Variants in EYS observed in about 807,000 individuals in gnomAD.
The protein encoded by EYS is EGF-like photoreceptor maintenance factor.
EYS carries 250 observed loss-of-function variants against 282.1 expected under a neutral mutation model. The observed-to-expected ratio is 0.89, with a 90% CI of 0.80 to 0.98. EYS has a LOEUF of 0.98. EYS is among the 50% of genes least tolerant of loss of function. EYS has a pLI of 0.00. For synonymous variants in EYS, 1,355 were observed against 1,282.9 expected, an observed-to-expected ratio of 1.06 and a Z score of -1.20; for missense variants, 4,016 against 3,709.0, an observed-to-expected ratio of 1.08 and a Z score of -2.15.
At chr6:63,778,255 T>C (rs1048808209) in intron 39 of EYS, 75 bp from the exon 40 acceptor site, 2 of 1,415,602 alleles carry the variant, frequency 1.4e-6, no homozygotes, top group African/African-American at 2.9e-5. Context: ...TTATTTTTCA[T>C]TTTTAAAGTA....
intron 9 of EYS, among the ~76,000 whole-genome samples, chr6:65,350,871 A>T (rs528518550): frequency 2.0e-5 from 3 of 151,670 alleles, no homozygotes; most frequent in Non-Finnish European, 4.4e-5. Flanking sequence ...GGCGTGTAAG[A>T]CACTTAATTT....
chr6:64,819,040 C>T (rs1276108680), intron 21 of EYS, among the ~76,000 whole-genome samples: 1 of 152,154 alleles, frequency 6.6e-6, no homozygotes, highest in Non-Finnish European at 1.5e-5. Context: ...CCCGAGTGCT[C>T]TTTTCAGTTA....
At chr6:64,015,102 A>G (rs1768830050) in intron 33 of EYS, among the ~76,000 whole-genome samples, 1 of 152,176 alleles carries the variant, frequency 6.6e-6, no homozygotes, top group Admixed American at 6.5e-5. Flanking sequence ...CAATTTAAAG[A>G]TTGAGAAAAA....
intron 8 of EYS, among the ~76,000 whole-genome samples, chr6:65,359,380 T>C (rs2150332305): frequency 6.6e-6 from 1 of 152,116 alleles, no homozygotes; most frequent in East Asian, 1.9e-4. Context: ...TTGCTTTCCT[T>C]AAGGCTTTTC....
intron 19 of EYS, among the ~76,000 whole-genome samples, chr6:64,843,090 G>C (rs1765613994): frequency 6.6e-6 from 1 of 152,126 alleles, no homozygotes; most frequent in Non-Finnish European, 1.5e-5. Flanking sequence ...TCTCCATGCT[G>C]TGTGAAGCCT....
intron 12 of EYS, among the ~76,000 whole-genome samples, chr6:65,238,348 T>C (rs1352427167): frequency 6.6e-6 from 1 of 151,562 alleles, no homozygotes; most frequent in African/African-American, 2.4e-5. Flanking sequence ...TTTCAATTAA[T>C]ATTTCACTGT....
At chr6:65,044,407 G>T (rs1323382485) in intron 13 of EYS, among the ~76,000 whole-genome samples, 1 of 151,486 alleles carries the variant, frequency 6.6e-6, no homozygotes, top group Non-Finnish European at 1.5e-5. Context: ...GTCTAATTTT[G>T]CCTTTGTTGC....
chr6:65,511,984 C>CAAAAAAAAA (rs11368301), intron 2 of EYS, among the ~76,000 whole-genome samples: 1 of 94,830 alleles, frequency 1.1e-5, no homozygotes, highest in African/African-American at 5.0e-5. Flanking sequence ...AACTCTGTCT[C>CAAAAAAAAA]AAAAAAAAAA....
At chr6:65,675,253 T>C (rs1488649504) in intron 1 of EYS, among the ~76,000 whole-genome samples, 1 of 151,762 alleles carries the variant, frequency 6.6e-6, no homozygotes, top group East Asian at 1.9e-4. Flanking sequence ...ATAATAAGTC[T>C]TTATCAATAA....
rs59845324 is a variant in EYS, at chr6:64,038,587, T to C, written c.6725+27751A>G. On this transcript the variant is annotated intron_variant, in intron 33 of 42. Transcript: ENST00000503581. ...ATATTAGGATATACTTTATATATCC[T>C]AATAGTTTATAAAATTATATAAAAT... Among the ~76,000 whole-genome samples, 1,211 of 152,106 alleles carry C rather than the reference T, an allele frequency of 8.0e-3. 14 individuals carry two copies. Among genetic ancestry groups the C allele is most frequent in the African/African-American group, 0.027 (1,117 of 41,536 alleles).
chr6:64,163,941 A>G (rs974312891), intron 31 of EYS, among the ~76,000 whole-genome samples: 1 of 152,054 alleles, frequency 6.6e-6, no homozygotes, highest in Non-Finnish European at 1.5e-5. Flanking sequence ...AAAAAGACCA[A>G]TTGTTTTTTC....
chr6:65,437,717 T>C (rs1297612767), intron 5 of EYS, among the ~76,000 whole-genome samples: 2 of 152,164 alleles, frequency 1.3e-5, no homozygotes, highest in Admixed American at 1.3e-4. Context: ...AGATTCATTT[T>C]TATTCCTATT....
chr6:64,907,440 CACTATATGTTTTAGCCATT>C (rs1767864267), intron 16 of EYS, among the ~76,000 whole-genome samples: 1 of 152,112 alleles, frequency 6.6e-6, no homozygotes, highest in Non-Finnish European at 1.5e-5. Context: ...TCTTTGCCTT[CACTATATGTTTTAGCCATT>C]ACTCTAATGG....
chr6:64,263,251 A>C lies in EYS; in HGVS notation c.6192-32427T>G, dbSNP rs1235364483. Among the ~76,000 whole-genome samples the C allele has an allele frequency of 3.3e-5, 5 of 152,004 alleles. No homozygotes were observed. In the East Asian group the frequency reaches 9.7e-4, roughly 29 times the overall value. ...CCTCTTTATTCTGGGGACGCTTCTG[A>C]AAGTTTTTCTCTTCTGATTTGATTT... On this transcript the variant is annotated intron_variant, in intron 30 of 42. Transcript: ENST00000503581.
At position 65,277,392 on chromosome 6, in the gene EYS, C is replaced by T. The variant is rs551866694; in HGVS notation, c.2023+18471G>A. Among the ~76,000 whole-genome samples, 11 of 150,094 alleles carry T rather than the reference C, an allele frequency of 7.3e-5. No individual in the cohort carries two copies. The South Asian group carries it at 2.3e-3, about 32-fold the overall frequency. On this transcript the variant is annotated intron_variant, in intron 12 of 42. Transcript: ENST00000503581. ...AGGTTGCAGTGAGCTGAGATCATGC[C>T]ACTGCACTCCAGCCTGGCCACAGAG...
In EYS at chr6:63,935,436, A is replaced by G. The variant is rs372885153; in HGVS notation, c.7055+48947T>C. Among the ~76,000 whole-genome samples the G allele has an allele frequency of 3.9e-5, 6 of 152,344 alleles. No homozygotes were observed. In the East Asian group the frequency reaches 5.8e-4, roughly 15 times the overall value. On this transcript the variant is annotated intron_variant, in intron 35 of 42. Transcript: ENST00000503581. ...ACACCCAGTATCTCACAGTTTGACT[A>G]TATTTGGAGATAGGGCCTTACAGAG...
chr6:64,583,325 C>T (rs1479375945), intron 26 of EYS, among the ~76,000 whole-genome samples: 1 of 151,910 alleles, frequency 6.6e-6, no homozygotes, highest in African/African-American at 2.4e-5. Context: ...AGGATATAAA[C>T]ATATGATTCA....
rs142279105 is a variant in EYS, at chr6:64,845,525, A to ATC, written c.2993-22705_2993-22704dup. On this transcript the variant is annotated intron_variant, in intron 19 of 42. Transcript: ENST00000503581. ...TTCAAGTTTCTTCCAACAAAAAATA[A>ATC]TCTCTCTCTCTCTCTCTCTCTGTCA... is the stretch of plus-strand genomic sequence containing the variant. Among the ~76,000 whole-genome samples, 878 of 147,250 alleles carry ATC rather than the reference A, an allele frequency of 6.0e-3. 6 individuals carry two copies. The highest frequency in any genetic ancestry group is 0.018 in the African/African-American group (719 of 40,124).
intron 22 of EYS, among the ~76,000 whole-genome samples, chr6:64,728,357 T>C (rs1771833202): frequency 1.3e-5 from 2 of 152,182 alleles, no homozygotes; most frequent in African/African-American, 4.8e-5. Context: ...TTTTTTGAGA[T>C]GGAGTCTTGC....
Sources: gnomAD v4.1 joint callset for allele counts (sites outside exome capture counted in the v4.1 genomes callset) on GRCh38, gnomAD v4.1.1 for gene constraint, MANE v1.5 for transcripts, NCBI Gene and HGNC (gene_info 2026-07-23, HGNC 2026-07-21) for gene names.